TPH2: variants seen among roughly 807,000 people sequenced by gnomAD.
The protein encoded by TPH2 is tryptophan hydroxylase 2, also known as tryptophan 5-hydroxylase 2.
A neutral mutation model predicts 59.1 loss-of-function variants in TPH2; 27 were observed. The ratio of observed to expected loss-of-function variants is 0.46; its 90% CI spans 0.34 to 0.63. TPH2 has a LOEUF of 0.63. TPH2 is among the 30% of genes least tolerant of loss of function. The pLI, the probability that TPH2 is intolerant of heterozygous loss-of-function variation, is 0.01. For synonymous variants in TPH2, 220 were observed against 210.5 expected, an observed-to-expected ratio of 1.05 and a Z score of -0.39; for missense variants, 523 against 588.3, an observed-to-expected ratio of 0.89 and a Z score of 1.15.
At chr12:71,950,896 A>G (rs1251696438) in intron 5 of TPH2, among the ~76,000 whole-genome samples, 1 of 152,148 alleles carries the variant, frequency 6.6e-6, no homozygotes, top group African/African-American at 2.4e-5. Flanking sequence ...GGGCATCCCT[A>G]GCTTCCTTTG....
intron 8 of TPH2, among the ~76,000 whole-genome samples, chr12:72,018,460 G>A (rs1873317037): frequency 6.6e-6 from 1 of 152,118 alleles, no homozygotes; most frequent in Non-Finnish European, 1.5e-5. Context: ...TGTGTCTATG[G>A]CACACCAGAT....
chr12:71,977,804 A>T (rs777880902), intron 6 of TPH2, among the ~76,000 whole-genome samples: 10 of 152,222 alleles, frequency 6.6e-5, no homozygotes, highest in Non-Finnish European at 1.3e-4. Context: ...CCTTAAATAT[A>T]TACAATTTAT....
intron 9 of TPH2, among the ~76,000 whole-genome samples, chr12:72,025,573 AAGTT>A (rs1335807012): frequency 6.6e-6 from 1 of 152,182 alleles, no homozygotes; most frequent in African/African-American, 2.4e-5. Context: ...AAGCTTGTAA[AAGTT>A]AGCATAAATC....
rs773814329 is a variant in TPH2 at position 71,972,611 on chromosome 12, A to G, written c.701A>G (p.His234Arg). The G allele has an allele frequency of 6.2e-7, 1 of 1,614,154 alleles. No individual in the cohort carries two copies. Among genetic ancestry groups the G allele is most frequent in the South Asian group, 1.1e-5 (1 of 91,078 alleles). ...FRELSKLYPT[H>R]ACREYLKNFP... ...GAGCTCTCCAAACTCTATCCCACTC[A>G]TGCTTGCCGAGAGTATTTGAAAAAC... The change falls in exon 6 of 11, where the codon CAT becomes CGT. Residue 234 changes from histidine (H) to arginine (R), a missense_variant. Coordinates refer to ENST00000333850, the MANE Select transcript of TPH2 (RefSeq NM_173353.4).
intron 8 of TPH2, among the ~76,000 whole-genome samples, chr12:72,004,240 A>G (rs1872894865): frequency 6.6e-6 from 1 of 150,674 alleles, no homozygotes; most frequent in South Asian, 2.2e-4. Context: ...GCTTAGGCAC[A>G]AAGAAACAAA....
Position 71,978,986 on chromosome 12 carries a change from A to T in TPH2, c.840A>T (p.Gly280=), listed in dbSNP as rs747872766. The change falls in exon 7 of 11, where the codon GGA becomes GGT. Residue 280 remains glycine (G), a synonymous_variant. Coordinates refer to ENST00000333850, the MANE Select transcript of TPH2 (RefSeq NM_173353.4). ...GCTTCACGGTGAGGCCGGTGGCTGGATACCTGAGCCCACGAGACTTTCTGG... is the reference window on the plus strand; with the variant it reads ...GCTTCACGGTGAGGCCGGTGGCTGGTTACCTGAGCCCACGAGACTTTCTGG... ...RSGFTVRPVA[G]YLSPRDFLAG... 2 of 1,613,994 alleles carry T rather than the reference A, an allele frequency of 1.2e-6. No individual in the cohort carries two copies. The highest frequency in any genetic ancestry group is 1.7e-6 in the Non-Finnish European group (2 of 1,179,998).
At chr12:71,996,293 T>A (rs1217996631) in intron 8 of TPH2, among the ~76,000 whole-genome samples, 3 of 152,222 alleles carry the variant, frequency 2.0e-5, no homozygotes, top group African/African-American at 7.2e-5. Flanking sequence ...AGCTGTGATG[T>A]CTTTTGTGGC....
chr12:71,967,982 G>C (rs752276161), intron 5 of TPH2, among the ~76,000 whole-genome samples: 2 of 152,180 alleles, frequency 1.3e-5, no homozygotes, highest in Non-Finnish European at 2.9e-5. Flanking sequence ...GGAGTTCTCT[G>C]GTTCTGAGAC....
chr12:71,979,207 C>T, intron 7 of TPH2, 120 bp downstream of exon 7: 1 of 1,390,328 alleles, frequency 7.2e-7, no homozygotes, highest in Non-Finnish European at 1.0e-6. Flanking sequence ...TAGTGAGAGT[C>T]ACATCACTCA....
intron 6 of TPH2, among the ~76,000 whole-genome samples, chr12:71,975,889 T>C (rs771938164): frequency 6.6e-6 from 1 of 152,272 alleles, no homozygotes; most frequent in African/African-American, 2.4e-5. Flanking sequence ...CAGAGCTATA[T>C]GCATATTACC....
chr12:71,938,937 T>C lies in TPH2; in HGVS notation c.-50T>C. On this transcript the variant is annotated 5_prime_UTR_variant, in exon 1 of 11. Coordinates refer to ENST00000333850, the MANE Select transcript of TPH2 (RefSeq NM_173353.4). ...TCTCAATCTCCGCCAGCGCTGCTAC[T>C]GCCCCTCTAGTACCCCCTGCTGCAG... 5 of 1,483,588 alleles carry C rather than the reference T, an allele frequency of 3.4e-6. No homozygotes were observed. The highest frequency in any genetic ancestry group is 4.7e-6 in the Non-Finnish European group (5 of 1,062,560). The allele number at this position is 1,483,588 out of a possible 1,614,324, so 91.9% of individuals were successfully genotyped here. A position where few individuals can be genotyped will look rare whatever the true frequency, so the allele number is the denominator to read the frequency against.
intron 5 of TPH2, among the ~76,000 whole-genome samples, chr12:71,956,548 CTTCCCTCCTTCCTTCCTTCT>C (rs1411290441): frequency 4.2e-5 from 3 of 71,466 alleles, no homozygotes; most frequent in Non-Finnish European, 9.1e-5. Flanking sequence ...TCCTTCCCTC[CTTCCCTCCTTCCTTCCTTCT>C]TTCCCTCCTT....
At chr12:72,005,897 T>G (rs1040212063) in intron 8 of TPH2, among the ~76,000 whole-genome samples, 1 of 152,206 alleles carries the variant, frequency 6.6e-6, no homozygotes, top group East Asian at 1.9e-4. Flanking sequence ...TCCAGTCTAA[T>G]CAATACTCGC....
intron 8 of TPH2, among the ~76,000 whole-genome samples, chr12:71,997,591 T>G (rs1872725276): frequency 6.6e-6 from 1 of 152,186 alleles, no homozygotes; most frequent in South Asian, 2.1e-4. Flanking sequence ...AACACTTCCA[T>G]CTAGTAGAGA....
chr12:72,019,266 C>A (rs552184718), intron 8 of TPH2, among the ~76,000 whole-genome samples: 1 of 152,344 alleles, frequency 6.6e-6, no homozygotes, highest in African/African-American at 2.4e-5. Context: ...TGGTCTGTTT[C>A]CACTCACTTT....
At position 72,020,693 on chromosome 12, in the gene TPH2, G is replaced by A. The variant is rs572210887; in HGVS notation, c.1069-1706G>A. ...GTAGAGATGGGGTTTCACCATATTGGCCAGGCTGGTCTTGAACTCCTGACC... is the reference window on the plus strand; with the variant it reads ...GTAGAGATGGGGTTTCACCATATTGACCAGGCTGGTCTTGAACTCCTGACC... On this transcript the variant is annotated intron_variant, in intron 8 of 10. Transcript: ENST00000333850. 5.3e-5 allele frequency among the ~76,000 whole-genome samples: 8 copies of A among 152,166 alleles called. No individual in the cohort carries two copies. In the South Asian group the frequency reaches 1.7e-3, roughly 32 times the overall value.
intron 6 of TPH2, among the ~76,000 whole-genome samples, chr12:71,974,574 GTC>G (rs1872063954): frequency 6.6e-6 from 1 of 152,168 alleles, no homozygotes; most frequent in Non-Finnish European, 1.5e-5. Flanking sequence ...ATCTAGGACA[GTC>G]TCTCCATCTC....
chr12:71,986,760 C>G (rs1872449625), intron 7 of TPH2, among the ~76,000 whole-genome samples: 1 of 152,050 alleles, frequency 6.6e-6, no homozygotes, highest in East Asian at 1.9e-4. Context: ...GCACCTGGCC[C>G]AAATCAAAAT....
chr12:71,944,303 G>T lies in TPH2; in HGVS notation c.265G>T (p.Val89Phe). The stretch of plus-strand genomic sequence containing the variant: ...GCTCGTGTTTCCACAGGAAAAACGT[G>T]TCAACATGGTTCATATTGAATCCAG... ...KALRLFQEKR[V>F]NMVHIESRKS... is the part of the protein sequence containing the mutation. The change falls in exon 3 of 11, where the codon GTC becomes TTC. Residue 89 changes from valine to phenylalanine, a missense_variant. Transcript: ENST00000333850. 6.2e-7 allele frequency: 1 copy of T among 1,613,744 alleles called. No individual in the cohort carries two copies.
Sources: gnomAD v4.1 joint callset for allele counts (sites outside exome capture counted in the v4.1 genomes callset) on GRCh38, gnomAD v4.1.1 for gene constraint, MANE v1.5 for transcripts, NCBI Gene and HGNC (gene_info 2026-07-23, HGNC 2026-07-21) for gene names.